ERCC6: variants seen among roughly 807,000 people sequenced by gnomAD.
ERCC6 encodes ERCC excision repair 6, chromatin remodeling factor.
ERCC6 carries 116 observed loss-of-function variants against 158.7 expected under a neutral mutation model. The ratio of observed to expected loss-of-function variants is 0.73; its 90% CI spans 0.63 to 0.85. ERCC6 has a LOEUF of 0.85. Among genes scored for constraint, ERCC6 ranks in the 40% least tolerant of loss-of-function variants. ERCC6 has a pLI of 0.00. For synonymous variants in ERCC6, 678 were observed against 659.3 expected (o/e 1.03, Z -0.43); for missense variants, 1,698 against 1,799.4 (o/e 0.94, Z 1.02).
At chr10:49,523,322 A>G (rs1837220961) in intron 5 of ERCC6, among the ~76,000 whole-genome samples, 1 of 152,222 alleles carries the variant, frequency 6.6e-6, no homozygotes, top group Admixed American at 6.5e-5. Flanking sequence ...TGGCTCTCAG[A>G]AAACGTGTGG....
intron 14 of ERCC6, 141 bp from the exon 15 acceptor site, chr10:49,473,169 G>T: frequency 8.7e-7 from 1 of 1,153,802 alleles, no homozygotes; most frequent in Non-Finnish European, 1.3e-6. Context: ...GACCTCTGGT[G>T]AATCAAAATC....
chr10:49,525,922 C>T (rs1045751192), intron 4 of ERCC6, among the ~76,000 whole-genome samples: 6 of 151,486 alleles, frequency 4.0e-5, no homozygotes, highest in Non-Finnish European at 8.8e-5. Flanking sequence ...CCTGTGTCCA[C>T]CTTCCTTCAC....
intron 3 of ERCC6, among the ~76,000 whole-genome samples, chr10:49,529,337 C>T (rs895234815): frequency 6.6e-6 from 1 of 152,226 alleles, no homozygotes; most frequent in Non-Finnish European, 1.5e-5. Flanking sequence ...AGCACTTTCC[C>T]TCTGAATAGT....
At chr10:49,466,627 G>A (rs746184344) in intron 18 of ERCC6, among the ~76,000 whole-genome samples, 10 of 152,238 alleles carry the variant, frequency 6.6e-5, no homozygotes, top group South Asian at 2.1e-4. Flanking sequence ...TAATCCCACC[G>A]TCAAATACCC....
chr10:49,521,053 A>C (rs1837145455), intron 5 of ERCC6, among the ~76,000 whole-genome samples: 1 of 152,102 alleles, frequency 6.6e-6, no homozygotes, highest in African/African-American at 2.4e-5. Flanking sequence ...TTCCCTTCAC[A>C]CTTGGTTAGG....
chr10:49,460,610 C>A (rs1451990172), intron 19 of ERCC6, among the ~76,000 whole-genome samples, 159 bp from the exon 20 acceptor site: 1 of 152,192 alleles, frequency 6.6e-6, no homozygotes, highest in East Asian at 1.9e-4. Flanking sequence ...CTCGATTCTT[C>A]CACTCCACCC....
chr10:49,500,762 G>C, intron 6 of ERCC6, 66 bp from the exon 7 acceptor site: 1 of 1,547,922 alleles, frequency 6.5e-7, no homozygotes, highest in Admixed American at 1.7e-5. Context: ...GATCATAACA[G>C]AAAGTACTCA....
In ERCC6 at chr10:49,532,533, C is replaced by T; in HGVS notation, c.422+10G>A. 1.2e-6 allele frequency: 2 copies of T among 1,613,306 alleles called. No homozygotes were observed. Among genetic ancestry groups the T allele is most frequent in the Non-Finnish European group, 1.7e-6 (2 of 1,180,034 alleles). On this transcript the variant is annotated intron_variant, in intron 2 of 20. Coordinates refer to ENST00000355832, the MANE Select transcript of ERCC6 (RefSeq NM_000124.4). ...ACCACTTTGAAAGGAAGAAGATGGGCTGCACTCACGTGAGGTCATCCAGGA... is the reference window on the plus strand; with the variant it reads ...ACCACTTTGAAAGGAAGAAGATGGGTTGCACTCACGTGAGGTCATCCAGGA...
At position 49,497,193 on chromosome 10, in the gene ERCC6, A is replaced by G. The variant is rs559482804; in HGVS notation, c.1685+3345T>C. ...CAGGTGCCCCTTGAGCTCCCCAAGG[A>G]GAGTGGGACTCTGCCTGGCCCCTTC... On this transcript the variant is annotated intron_variant, in intron 7 of 20. Coordinates refer to ENST00000355832, the MANE Select transcript of ERCC6 (RefSeq NM_000124.4). Among the ~76,000 whole-genome samples the G allele has an allele frequency of 2.3e-4, 35 of 152,360 alleles. 1 individual carries two copies. The East Asian group carries it at 6.8e-3, about 29-fold the overall frequency.
chr10:49,436,465 C>A, the ERCC6 span, among the ~76,000 whole-genome samples: 2 of 151,946 alleles, frequency 1.3e-5, no homozygotes. Context: ...TACAAAGAAC[C>A]CCTACAAATC....
At chr10:49,529,139 C>T (rs1837410521) in intron 3 of ERCC6, among the ~76,000 whole-genome samples, 1 of 152,214 alleles carries the variant, frequency 6.6e-6, no homozygotes, top group African/African-American at 2.4e-5. Context: ...CAGATATGTG[C>T]CCTTGGGCTT....
intron 10 of ERCC6, among the ~76,000 whole-genome samples, chr10:49,479,493 A>T (rs915563228): frequency 1.3e-5 from 2 of 152,226 alleles, no homozygotes; most frequent in Non-Finnish European, 2.9e-5. Context: ...AAGCTCAACT[A>T]ATCAATGACT....
chr10:49,527,421 T>A (rs1175535969), intron 4 of ERCC6, among the ~76,000 whole-genome samples: 2 of 152,196 alleles, frequency 1.3e-5, no homozygotes, highest in African/African-American at 4.8e-5. Context: ...ACACCTGTAA[T>A]CCCAGTACTT....
intron 20 of ERCC6, among the ~76,000 whole-genome samples, chr10:49,459,705 C>G (rs754497059): frequency 3.9e-4 from 60 of 152,182 alleles, no homozygotes; most frequent in Non-Finnish European, 8.2e-4. Context: ...TACCTTACAT[C>G]TAATGCAACT....
chr10:49,472,518 C>CA, intron 15 of ERCC6, 48 bp from the exon 16 acceptor site: 1 of 1,578,556 alleles, frequency 6.3e-7, no homozygotes. Flanking sequence ...TTCCCAATGA[C>CA]AAGCACTGAC....
chr10:49,492,537 C>T (rs1851193093), intron 8 of ERCC6, among the ~76,000 whole-genome samples: 1 of 152,150 alleles, frequency 6.6e-6, no homozygotes, highest in Non-Finnish European at 1.5e-5. Context: ...CGTATCTATG[C>T]TACCCACAGG....
chr10:49,505,304 T>A (rs1248260330), intron 6 of ERCC6: 1 of 152,958 alleles, frequency 6.5e-6, no homozygotes, highest in Admixed American at 6.5e-5. Context: ...CACTTACACA[T>A]GAAACCTGGC....
chr10:49,516,761 G>A, intron 5 of ERCC6: 2 of 1,614,116 alleles, frequency 1.2e-6, no homozygotes, highest in Middle Eastern at 1.6e-4. Flanking sequence ...GTACAGTTAG[G>A]TCGGCTTTTT....
At chr10:49,513,589 T>C (rs1434699757) in intron 5 of ERCC6, among the ~76,000 whole-genome samples, 2 of 152,174 alleles carry the variant, frequency 1.3e-5, no homozygotes, top group Non-Finnish European at 2.9e-5. Flanking sequence ...AGGAAACTTA[T>C]AATCATGGTG....
Sources: allele counts gnomAD v4.1 joint callset (sites outside exome capture counted in the v4.1 genomes callset), GRCh38; gene constraint gnomAD v4.1.1; transcripts MANE v1.5; gene names NCBI Gene and HGNC (gene_info 2026-07-23, HGNC 2026-07-21).